PRIM2: variants seen among roughly 807,000 people sequenced by gnomAD.
The protein encoded by PRIM2 is DNA primase subunit 2, also known as DNA primase large subunit.
In PRIM2, 39 loss-of-function variants were observed where a neutral mutation model predicts 67.3. The observed-to-expected ratio is 0.58, with a 90% confidence interval of 0.45 to 0.76. The LOEUF is 0.76. Among genes scored for constraint, PRIM2 ranks in the 30% least tolerant of loss-of-function variants. The pLI is 0.00. For synonymous variants in PRIM2, 143 were observed against 198.7 expected, an observed-to-expected ratio of 0.72 and a Z score of 2.36; for missense variants, 398 against 598.7, an observed-to-expected ratio of 0.66 and a Z score of 3.50.
At chr6:57,603,111 T>C (rs1776499508) in intron 11 of PRIM2, among the ~76,000 whole-genome samples, 1 of 152,232 alleles carries the variant, frequency 6.6e-6, no homozygotes. Context: ...TCCCCATCTG[T>C]GCTTCTGTTC....
intron 7 of PRIM2, among the ~76,000 whole-genome samples, chr6:57,392,676 T>C (rs1483765361): frequency 2.0e-5 from 3 of 151,970 alleles, no homozygotes; most frequent in Admixed American, 6.6e-5. Context: ...TATTTATTTT[T>C]ATTATTTTTA....
At chr6:57,479,939 G>A (rs1410431452) in intron 7 of PRIM2, among the ~76,000 whole-genome samples, 3 of 152,220 alleles carry the variant, frequency 2.0e-5, no homozygotes, top group Non-Finnish European at 4.4e-5. Context: ...AGTAAGTAGT[G>A]TTCAGAGGAA....
At chr6:57,551,457 T>C (rs1201959976) in intron 10 of PRIM2, among the ~76,000 whole-genome samples, 2 of 152,238 alleles carry the variant, frequency 1.3e-5, no homozygotes, top group African/African-American at 4.8e-5. Flanking sequence ...AAGGATGATA[T>C]TGATTAGGCA....
chr6:57,296,879 T>G, the PRIM2 span, among the ~76,000 whole-genome samples: 20 of 152,094 alleles, frequency 1.3e-4, no homozygotes, highest in African/African-American at 4.8e-4. Flanking sequence ...TGTTGAGAAG[T>G]AAGAAGGTGC....
the PRIM2 span, among the ~76,000 whole-genome samples, chr6:57,238,516 G>A: frequency 6.6e-6 from 1 of 152,164 alleles, no homozygotes; most frequent in Non-Finnish European, 1.5e-5. Context: ...TGAAACCAAA[G>A]AGAACAAAGA....
At chr6:57,390,012 C>A (rs1001737972) in intron 7 of PRIM2, 1 of 154,806 alleles carries the variant, frequency 6.5e-6, no homozygotes, top group South Asian at 2.0e-4. Context: ...AGTAGCATAT[C>A]ACGATATGCA....
the PRIM2 span, among the ~76,000 whole-genome samples, chr6:57,268,078 G>A: frequency 6.6e-6 from 1 of 152,126 alleles, no homozygotes; most frequent in Non-Finnish European, 1.5e-5. Flanking sequence ...AAGTGAGATG[G>A]ATTTAGAAGA....
At chr6:57,324,423 A>C (rs1025367900) in intron 4 of PRIM2, 143 bp downstream of exon 4, 3 of 453,788 alleles carry the variant, frequency 6.6e-6, no homozygotes, top group Admixed American at 7.8e-5. Context: ...GAACACTGAC[A>C]GTAAATTGTT....
chr6:57,396,956 C>T lies in PRIM2; in HGVS notation c.693+14788C>T, dbSNP rs562799648. 5.1e-4 allele frequency among the ~76,000 whole-genome samples: 77 copies of T among 152,224 alleles called. 1 individual carries two copies. Among genetic ancestry groups the T allele is most frequent in the Middle Eastern group, 3.4e-3 (1 of 294 alleles). ...GTTTTTCTGGATATAAAATTCTTGGCTGATAATGATTTTGTTTGAGGAGGT... is the reference window on the plus strand; with the variant it reads ...GTTTTTCTGGATATAAAATTCTTGGTTGATAATGATTTTGTTTGAGGAGGT... On this transcript the variant is annotated intron_variant, in intron 7 of 13. Transcript: ENST00000615550.
chr6:57,394,594 G>A (rs112453827), intron 7 of PRIM2, among the ~76,000 whole-genome samples: 2 of 152,004 alleles, frequency 1.3e-5, no homozygotes, highest in African/African-American at 4.8e-5. Flanking sequence ...CAAGGTAAAC[G>A]ATCATAACGC....
rs369673115 is a variant in PRIM2 at position 57,345,506 on chromosome 6, G to GTGTACA, written c.459+19462_459+19463insGTACAT. Among the ~76,000 whole-genome samples the GTGTACA allele has an allele frequency of 8.5e-3, 1,042 of 122,126 alleles. 9 individuals carry two copies. The highest frequency in any genetic ancestry group is 0.013 in the African/African-American group (398 of 30,160). 80.1% of individuals were successfully genotyped at this position (122,126 alleles called of 152,430 possible). On this transcript the variant is annotated intron_variant, in intron 5 of 13. Transcript: ENST00000615550. ...TGTGTGTGTGTGTGTGTGTGTGTGTGTACATACATATATATTTATATCCTC... is the reference window on the plus strand; with the variant it reads ...TGTGTGTGTGTGTGTGTGTGTGTGTGTGTACATACATACATATATATTTATATCCTC...
intron 7 of PRIM2, among the ~76,000 whole-genome samples, chr6:57,479,627 T>C (rs1407314452): frequency 1.3e-5 from 2 of 152,220 alleles, no homozygotes; most frequent in Non-Finnish European, 2.9e-5. Context: ...TTCACAGCTG[T>C]ATATATTATC....
chr6:57,437,215 G>A (rs1772039315), intron 7 of PRIM2, among the ~76,000 whole-genome samples: 1 of 152,216 alleles, frequency 6.6e-6, no homozygotes, highest in African/African-American at 2.4e-5. Flanking sequence ...GCAGCGCCAA[G>A]GGCATTGTGG....
At chr6:57,594,380 A>C (rs1776330773) in intron 10 of PRIM2, among the ~76,000 whole-genome samples, 1 of 152,198 alleles carries the variant, frequency 6.6e-6, no homozygotes, top group African/African-American at 2.4e-5. Context: ...AAAATGAACA[A>C]AGTAGGACTC....
chr6:57,470,078 C>T (rs1283044225), intron 7 of PRIM2, among the ~76,000 whole-genome samples: 5 of 152,096 alleles, frequency 3.3e-5, no homozygotes, highest in African/African-American at 1.2e-4. Flanking sequence ...CCTTAAGAAA[C>T]ATAGATTATC....
chr6:57,340,648 T>C (rs997321056), intron 5 of PRIM2, among the ~76,000 whole-genome samples: 3 of 152,042 alleles, frequency 2.0e-5, no homozygotes, highest in Non-Finnish European at 4.4e-5. Context: ...TAGGTGGGAA[T>C]TGAACAATGA....
At chr6:57,365,929 A>T (rs1741914) in intron 5 of PRIM2, among the ~76,000 whole-genome samples, 188 of 132,000 alleles carry the variant, frequency 1.4e-3, no homozygotes, top group Admixed American at 2.1e-3. Flanking sequence ...CAGCCTGAGC[A>T]GCAGAGTGAG....
chr6:57,616,024 T>C (rs1445899044), intron 12 of PRIM2, among the ~76,000 whole-genome samples: 1 of 152,254 alleles, frequency 6.6e-6, no homozygotes. Flanking sequence ...TACAGACTAA[T>C]CTAAAAGTTG....
At chr6:57,578,008 CTG>C (rs1283805394) in intron 10 of PRIM2, among the ~76,000 whole-genome samples, 1 of 152,174 alleles carries the variant, frequency 6.6e-6, no homozygotes, top group Non-Finnish European at 1.5e-5. Flanking sequence ...CTCTTCTAGT[CTG>C]TGACAATTTC....
Sources: allele counts gnomAD v4.1 joint callset (sites outside exome capture counted in the v4.1 genomes callset), GRCh38; gene constraint gnomAD v4.1.1; transcripts MANE v1.5; gene names NCBI Gene and HGNC (gene_info 2026-07-23, HGNC 2026-07-21).